Variants in TSHZ3 observed in about 807,000 individuals in gnomAD.
The protein encoded by TSHZ3 is teashirt zinc finger homeobox 3, also known as teashirt homolog 3.
In TSHZ3, 10 loss-of-function variants were observed where a neutral mutation model predicts 64.5. That is an observed-to-expected ratio of 0.16 (90% CI 0.10 to 0.26). The LOEUF (loss-of-function observed/expected upper bound fraction) is 0.26. Among genes scored for constraint, TSHZ3 ranks in the 10% least tolerant of loss-of-function variants. The pLI, the probability that TSHZ3 is intolerant of heterozygous loss-of-function variation, is 1.00. For synonymous variants in TSHZ3, 608 were observed against 593.1 expected (o/e 1.03, Z -0.36); for missense variants, 1,242 against 1,421.7 (o/e 0.87, Z 2.03).
At chr19:31,269,457 C>T (rs1178132047) in intron 1 of TSHZ3, among the ~76,000 whole-genome samples, 5 of 151,970 alleles carry the variant, frequency 3.3e-5, no homozygotes, top group Non-Finnish European at 7.4e-5. Flanking sequence ...CTCTCTTTTC[C>T]TCCCAGCTGT....
intron 5 of TSHZ3, among the ~76,000 whole-genome samples, chr19:31,187,069 T>C (rs1333753414): frequency 6.6e-6 from 1 of 152,090 alleles, no homozygotes; most frequent in Non-Finnish European, 1.5e-5. Context: ...TCTCTTACTT[T>C]TAACACATGT....
chr19:31,176,191 A>G (rs766753996), intron 5 of TSHZ3, among the ~76,000 whole-genome samples: 1 of 152,162 alleles, frequency 6.6e-6, no homozygotes, highest in African/African-American at 2.4e-5. Flanking sequence ...CCCAGGGGAC[A>G]TCCAGGAGAG....
intron 1 of TSHZ3, among the ~76,000 whole-genome samples, chr19:31,325,959 AC>A (rs1317366988): frequency 6.6e-6 from 1 of 152,232 alleles, no homozygotes; most frequent in Non-Finnish European, 1.5e-5. Context: ...TGTAATATAC[AC>A]AGCAAAGTTT....
At chr19:31,206,307 G>A (rs1975173812) in intron 4 of TSHZ3, among the ~76,000 whole-genome samples, 1 of 151,958 alleles carries the variant, frequency 6.6e-6, no homozygotes, top group South Asian at 2.1e-4. Flanking sequence ...ATAGATGGGT[G>A]GGTGGATGGA....
At chr19:31,174,732 G>A (rs1051941652) in intron 5 of TSHZ3, among the ~76,000 whole-genome samples, 1 of 152,176 alleles carries the variant, frequency 6.6e-6, no homozygotes, top group African/African-American at 2.4e-5. Flanking sequence ...AGGAGAGAGA[G>A]GCATGGAATT....
In TSHZ3 at chr19:31,336,993, CTTTCTT is replaced by C. The variant is rs1302042276; in HGVS notation, c.40+12181_40+12186del. On this transcript the variant is annotated intron_variant, in intron 1 of 1. Coordinates refer to ENST00000240587, the MANE Select transcript of TSHZ3 (RefSeq NM_020856.4). ...CCAGGCAGTTTTTCTTTCTTTCTTC[CTTTCTT>C]TTTCTTTTTTTCTATTTTTTTTTTT... is the stretch of plus-strand genomic sequence containing the variant. 2.9e-4 allele frequency among the ~76,000 whole-genome samples: 42 copies of C among 146,060 alleles called. No individual in the cohort carries two copies. The East Asian group carries it at 8.7e-3, about 30-fold the overall frequency.
At chr19:31,174,913 C>G (rs79588988) in intron 5 of TSHZ3, among the ~76,000 whole-genome samples, 1 of 152,186 alleles carries the variant, frequency 6.6e-6, no homozygotes, top group African/African-American at 2.4e-5. Flanking sequence ...ACAGCCAAAT[C>G]CCCCCTGCAT....
chr19:31,157,595 G>C (rs75301683), intron 5 of TSHZ3, among the ~76,000 whole-genome samples: 101 of 152,284 alleles, frequency 6.6e-4, no homozygotes, highest in African/African-American at 2.4e-3. Context: ...GAAAAGGGTA[G>C]ATTATAACAT....
At chr19:31,198,191 T>C (rs935752978) in intron 5 of TSHZ3, among the ~76,000 whole-genome samples, 6 of 152,090 alleles carry the variant, frequency 3.9e-5, no homozygotes, top group African/African-American at 1.4e-4. Context: ...AGCTAAAGAA[T>C]AAAACTCACA....
chr19:31,273,042 G>A (rs1976166883), downstream of TSHZ3, among the ~76,000 whole-genome samples: 1 of 152,156 alleles, frequency 6.6e-6, no homozygotes, highest in South Asian at 2.1e-4. Flanking sequence ...TTATCTCAGG[G>A]AAACCAGGGC....
chr19:31,211,463 G>T (rs547199998), intron 4 of TSHZ3, among the ~76,000 whole-genome samples: 1 of 152,294 alleles, frequency 6.6e-6, no homozygotes, highest in South Asian at 2.1e-4. Context: ...CTCTTGAGCG[G>T]ATGGATGCAT....
rs1037809735 is a variant in TSHZ3 at position 31,276,368 on chromosome 19, C to T, written c.*179G>A. 1.5e-4 allele frequency: 74 copies of T among 509,002 alleles called. No individual in the cohort carries two copies. The highest frequency in any genetic ancestry group is 1.3e-3 in the African/African-American group (68 of 51,456). 31.5% of individuals were successfully genotyped at this position (509,002 alleles called of 1,614,324 possible). On this transcript the variant is annotated 3_prime_UTR_variant, in exon 2 of 2. Coordinates refer to ENST00000240587, the MANE Select transcript of TSHZ3 (RefSeq NM_020856.4). The stretch of plus-strand genomic sequence containing the variant: ...AACCTTCATATTTTACCAGTAACAA[C>T]AGCTGATTATGCACCTCTATTAAAC...
At chr19:31,259,167 T>C (rs933542288) in intron 1 of TSHZ3, among the ~76,000 whole-genome samples, 3 of 152,300 alleles carry the variant, frequency 2.0e-5, no homozygotes, top group Non-Finnish European at 4.4e-5. Context: ...TTTAAAACCA[T>C]GGAAATAAAT....
intron 5 of TSHZ3, among the ~76,000 whole-genome samples, chr19:31,181,000 G>A (rs982599701): frequency 6.6e-6 from 1 of 152,304 alleles, no homozygotes. Context: ...GTAACAGCCT[G>A]CTTGGTGGAG....
intron 1 of TSHZ3, among the ~76,000 whole-genome samples, chr19:31,269,384 T>G (rs991737113): frequency 3.3e-5 from 5 of 152,142 alleles, no homozygotes; most frequent in African/African-American, 1.2e-4. Flanking sequence ...CCGGCGACCG[T>G]ACCTCCATTT....
At chr19:31,304,512 CA>C (rs200917408) in intron 1 of TSHZ3, among the ~76,000 whole-genome samples, 5 of 83,284 alleles carry the variant, frequency 6.0e-5, no homozygotes, top group South Asian at 4.2e-4. Context: ...ACAACAACAA[CA>C]AAAAATTAAT....
At chr19:31,200,753 G>C (rs920371170) in intron 5 of TSHZ3, among the ~76,000 whole-genome samples, 7 of 152,152 alleles carry the variant, frequency 4.6e-5, no homozygotes, top group African/African-American at 1.7e-4. Context: ...GTTAATGTAG[G>C]TTTATCAATT....
chr19:31,206,983 G>C (rs1347922761), intron 4 of TSHZ3, among the ~76,000 whole-genome samples: 1 of 152,100 alleles, frequency 6.6e-6, no homozygotes, highest in Non-Finnish European at 1.5e-5. Context: ...TTTTAGTCTT[G>C]CAACATTAAC....
intron 4 of TSHZ3, among the ~76,000 whole-genome samples, chr19:31,214,862 C>A (rs964819826): frequency 2.7e-5 from 4 of 148,762 alleles, no homozygotes; most frequent in Non-Finnish European, 5.9e-5. Context: ...GAGCGGAGAT[C>A]CGGTCACTGC....
Sources: gnomAD v4.1 joint callset for allele counts (sites outside exome capture counted in the v4.1 genomes callset) on GRCh38, gnomAD v4.1.1 for gene constraint, MANE v1.5 for transcripts, NCBI Gene and HGNC (gene_info 2026-07-23, HGNC 2026-07-21) for gene names.